Variants in INTS4 observed in about 807,000 individuals in gnomAD.
The protein encoded by INTS4 is integrator complex subunit 4.
INTS4 carries 70 observed loss-of-function variants against 119.5 expected under a neutral mutation model. The observed-to-expected ratio is 0.59, with a 90% CI of 0.48 to 0.71. The LOEUF is 0.71. Among genes scored for constraint, INTS4 ranks in the 30% least tolerant of loss-of-function variants. The pLI is 0.00. For missense variants in INTS4, 867 were observed against 1,173.2 expected (o/e 0.74, Z 3.81); for synonymous variants, 316 against 419.6 (o/e 0.75, Z 3.02).
At chr11:77,987,672 C>A (rs1274934072) in intron 2 of INTS4, 1 of 449,794 alleles carries the variant, frequency 2.2e-6, no homozygotes, top group Non-Finnish European at 4.5e-6. Context: ...TCGCGACCAG[C>A]CTGGGCAACA....
rs1555031247 is a variant in INTS4, at chr11:77,935,903, A to AAAAAAGAAAAGAAAGAGAG, written c.1165+2747_1165+2748insCTCTCTTTCTTTTCTTTTT. Among the ~76,000 whole-genome samples, 410 of 86,964 alleles carry AAAAAAGAAAAGAAAGAGAG rather than the reference A, an allele frequency of 4.7e-3. 38 individuals carry two copies. The highest frequency in any genetic ancestry group is 0.02 in the African/African-American group (357 of 18,272). 57.1% of individuals were successfully genotyped at this position (86,964 alleles called of 152,430 possible). On this transcript the variant is annotated intron_variant, in intron 10 of 22. Transcript: ENST00000534064. Reference sequence around the variant, plus strand: ...AGAGCAAGATCCTGTCTCAAAAAAAAAAAAAAGAAAAGAAGAGGTTTTGCG... The same window carrying AAAAAAGAAAAGAAAGAGAG: ...AGAGCAAGATCCTGTCTCAAAAAAAAAAAAAGAAAAGAAAGAGAGAAAAAAGAAAAGAAGAGGTTTTGCG...
intron 11 of INTS4, among the ~76,000 whole-genome samples, chr11:77,927,769 C>T (rs1215747300): frequency 3.3e-5 from 5 of 152,218 alleles, no homozygotes; most frequent in African/African-American, 1.2e-4. Context: ...AAGAACTCTT[C>T]ATTATTTAGC....
chr11:77,952,118 T>G (rs757378810), intron 8 of INTS4, among the ~76,000 whole-genome samples: 1 of 152,226 alleles, frequency 6.6e-6, no homozygotes, highest in Non-Finnish European at 1.5e-5. Flanking sequence ...TAATTAATTT[T>G]TAATGAAAGA....
chr11:77,922,497 A>G, intron 12 of INTS4, 26 bp from the exon 13 acceptor site: 1 of 1,051,288 alleles, frequency 9.5e-7, no homozygotes, highest in Non-Finnish European at 1.4e-6. Context: ...AAGAATGCAC[A>G]TCAACAAATT....
chr11:77,942,921 A>T (rs1630344), intron 8 of INTS4, among the ~76,000 whole-genome samples: 1 of 151,988 alleles, frequency 6.6e-6, no homozygotes, highest in Non-Finnish European at 1.5e-5. Context: ...AACAACTGCC[A>T]TACTATTTTG....
intron 8 of INTS4, among the ~76,000 whole-genome samples, chr11:77,954,728 A>C (rs1954276774): frequency 6.6e-6 from 1 of 152,148 alleles, no homozygotes; most frequent in African/African-American, 2.4e-5. Context: ...ATGATAATCT[A>C]ATGCAGCTGC....
At chr11:77,974,233 CT>C (rs1293761648) in intron 4 of INTS4, among the ~76,000 whole-genome samples, 5 of 98,274 alleles carry the variant, frequency 5.1e-5, no homozygotes, top group African/African-American at 1.6e-4. Flanking sequence ...TATAATTTTT[CT>C]TTTCTTTTTT....
chr11:77,934,525 C>T (rs377449830), intron 10 of INTS4, among the ~76,000 whole-genome samples: 16 of 151,724 alleles, frequency 1.1e-4, no homozygotes, highest in African/African-American at 3.6e-4. Context: ...GGTGGGATTA[C>T]GGATGTTTTC....
chr11:77,885,801 C>A (rs569783321), intron 21 of INTS4, among the ~76,000 whole-genome samples: 1 of 151,670 alleles, frequency 6.6e-6, no homozygotes, highest in South Asian at 2.1e-4. Flanking sequence ...GCCTGGGTGA[C>A]AGAGTGAGAT....
In INTS4 at chr11:77,894,345, C is replaced by T. The variant is rs751364329; in HGVS notation, c.2233G>A (p.Asp745Asn). ...IVTARTTRGLDPLFGMCEKFL... is the reference protein window; with the variant it reads ...IVTARTTRGLNPLFGMCEKFL... ...TTTTCACACATCCCAAATAAGGGGTCAAGTCTGTAGAAAAGAAATGTAAAA... is the reference window on the plus strand; with the variant it reads ...TTTTCACACATCCCAAATAAGGGGTTAAGTCTGTAGAAAAGAAATGTAAAA... The change falls in exon 19 of 23, where the codon GAC (aspartate) becomes AAC (asparagine). Residue 745 changes from aspartate (D) to asparagine (N), a missense_variant. Physicochemically the swap from Asp to Asn is conservative, Grantham distance 23. Coordinates refer to ENST00000534064, the MANE Select transcript of INTS4 (RefSeq NM_033547.4). The T allele has an allele frequency of 6.4e-7, 1 of 1,550,448 alleles. No individual in the cohort carries two copies. The highest frequency in any genetic ancestry group is 1.2e-5 in the South Asian group (1 of 86,034).
At chr11:77,936,946 G>A (rs1465623683) in intron 10 of INTS4, among the ~76,000 whole-genome samples, 6 of 152,142 alleles carry the variant, frequency 3.9e-5, no homozygotes, top group South Asian at 4.2e-4. Flanking sequence ...AGGCTGAAGC[G>A]GGCAGATAAG....
At chr11:77,928,017 C>CA (rs1275761089) in intron 11 of INTS4, among the ~76,000 whole-genome samples, 42 of 151,724 alleles carry the variant, frequency 2.8e-4, no homozygotes, top group Admixed American at 1.4e-3. Context: ...AAGAAGAAGG[C>CA]AAAAAAAAGC....
chr11:77,992,006 G>A (rs559360224), intron 1 of INTS4, among the ~76,000 whole-genome samples: 2 of 151,872 alleles, frequency 1.3e-5, no homozygotes, highest in South Asian at 4.1e-4. Context: ...TGTATTTCTA[G>A]TAGAGACAGG....
intron 22 of INTS4, among the ~76,000 whole-genome samples, chr11:77,883,065 C>A (rs1951853272): frequency 7.7e-6 from 1 of 129,858 alleles, no homozygotes; most frequent in African/African-American, 3.2e-5. Flanking sequence ...AAGAGCAAGA[C>A]TCCGTCTCAA....
At chr11:77,955,917 T>A (rs753589848) in intron 8 of INTS4, 25 bp downstream of exon 8, 45 of 1,575,476 alleles carry the variant, frequency 2.9e-5, no homozygotes, top group Non-Finnish European at 3.9e-5. Flanking sequence ...CATGCATACA[T>A]ACATACATAA....
intron 15 of INTS4, among the ~76,000 whole-genome samples, chr11:77,916,340 G>A (rs1953203811): frequency 1.3e-5 from 2 of 152,282 alleles, no homozygotes; most frequent in Admixed American, 6.5e-5. Context: ...GGTATAGTCT[G>A]TTGCTCCTAG....
chr11:77,909,920 T>G (rs1286760405), intron 15 of INTS4, among the ~76,000 whole-genome samples: 3 of 152,156 alleles, frequency 2.0e-5, no homozygotes, highest in Non-Finnish European at 2.9e-5. Flanking sequence ...TTAGAATGGC[T>G]ATCATTAAAA....
chr11:77,972,825 T>C (rs1855784631), intron 4 of INTS4, among the ~76,000 whole-genome samples: 1 of 130,888 alleles, frequency 7.6e-6, no homozygotes, highest in Admixed American at 7.6e-5. Flanking sequence ...AAGTTTTCTT[T>C]TGTGGGTTTT....
At chr11:77,885,458 G>A in intron 21 of INTS4, among the ~76,000 whole-genome samples, 1 of 152,110 alleles carries the variant, frequency 6.6e-6, no homozygotes, top group East Asian at 1.9e-4. Context: ...AAAAAATGCA[G>A]GTGTCTCAGT....
Sources: allele counts gnomAD v4.1 joint callset (sites outside exome capture counted in the v4.1 genomes callset), GRCh38; gene constraint gnomAD v4.1.1; transcripts MANE v1.5; gene names NCBI Gene and HGNC (gene_info 2026-07-23, HGNC 2026-07-21).